Variants in ZNF487 observed in about 807,000 individuals in gnomAD.
ZNF487 encodes zinc finger protein 487.
In ZNF487, 4 loss-of-function variants were observed where a neutral mutation model predicts 3.0. The observed-to-expected ratio is 1.35, with a 90% CI of 0.66 to 3.08. The LOEUF (loss-of-function observed/expected upper bound fraction) is 3.08. ZNF487 is among the 30% of genes most tolerant of loss of function. The pLI is 0.01. For missense variants in ZNF487, 146 were observed against 98.7 expected, an observed-to-expected ratio of 1.48 and a Z score of -2.03; for synonymous variants, 55 against 34.6, an observed-to-expected ratio of 1.59 and a Z score of -2.06.
At chr10:43,479,341 T>G (rs1248862443) in intron 3 of ZNF487, among the ~76,000 whole-genome samples, 1 of 152,100 alleles carries the variant, frequency 6.6e-6, no homozygotes, top group Non-Finnish European at 1.5e-5. Flanking sequence ...ATTTATAATC[T>G]AAGAAGCATG....
intron 1 of ZNF487, among the ~76,000 whole-genome samples, chr10:43,444,104 C>G (rs1839718306): frequency 6.6e-6 from 1 of 152,036 alleles, no homozygotes; most frequent in Non-Finnish European, 1.5e-5. Flanking sequence ...CCGCCTGCCT[C>G]GGCCTCCCAA....
At chr10:43,455,612 C>G (rs975992397) in intron 1 of ZNF487, among the ~76,000 whole-genome samples, 1 of 152,164 alleles carries the variant, frequency 6.6e-6, no homozygotes, top group African/African-American at 2.4e-5. Flanking sequence ...GGGAAACGGC[C>G]CCTCTAGGTC....
chr10:43,462,944 A>C (rs991696197), intron 1 of ZNF487, among the ~76,000 whole-genome samples: 2 of 148,196 alleles, frequency 1.3e-5, no homozygotes, highest in Admixed American at 1.4e-4. Flanking sequence ...TAATTAAAAA[A>C]TTTTTTTTGG....
chr10:43,496,602 G>A, the ZNF487 span, among the ~76,000 whole-genome samples: 1 of 152,088 alleles, frequency 6.6e-6, no homozygotes, highest in African/African-American at 2.4e-5. Flanking sequence ...TCTGCTCTTT[G>A]CTATTTTAAA....
chr10:43,521,106 T>C, the ZNF487 span, among the ~76,000 whole-genome samples: 1 of 152,206 alleles, frequency 6.6e-6, no homozygotes, highest in Non-Finnish European at 1.5e-5. Context: ...TCATGATTCA[T>C]GGTATTCATG....
At position 43,452,160 on chromosome 10, in the gene ZNF487, C is replaced by G. The variant is rs145296650; in HGVS notation, c.-94+14898C>G. On this transcript the variant is annotated intron_variant, in intron 1 of 3. Coordinates refer to ENST00000437590, the MANE Select transcript of ZNF487 (RefSeq NM_001355444.3). The stretch of plus-strand genomic sequence containing the variant: ...TCTATGTAAATGTAGTTTTTATGAA[C>G]TAGAGAGTCTGACTCCATATTTTAT... The G allele has an allele frequency of 2.1e-3, 313 of 152,272 alleles. 1 individual carries two copies. The highest frequency in any genetic ancestry group is 7.3e-3 in the African/African-American group (302 of 41,548). 9.4% of individuals were successfully genotyped at this position (152,272 alleles called of 1,614,324 possible).
chr10:43,456,110 G>A (rs1285097732), intron 1 of ZNF487, among the ~76,000 whole-genome samples: 2 of 152,224 alleles, frequency 1.3e-5, no homozygotes, highest in Non-Finnish European at 2.9e-5. Flanking sequence ...AGGGCTGCGG[G>A]CCTCGTCTGA....
the ZNF487 span, among the ~76,000 whole-genome samples, chr10:43,494,763 T>TAAAAAA: frequency 1.4e-4 from 3 of 20,908 alleles, no homozygotes; most frequent in African/African-American, 2.1e-4. Context: ...CTACTAAAAA[T>TAAAAAA]ACAAAAAAAA....
chr10:43,472,521 G>T (rs1840940041), intron 1 of ZNF487, among the ~76,000 whole-genome samples: 1 of 152,126 alleles, frequency 6.6e-6, no homozygotes, highest in African/African-American at 2.4e-5. Context: ...TCTTGCTGCT[G>T]CTCAGACCTT....
intron 1 of ZNF487, among the ~76,000 whole-genome samples, chr10:43,441,908 A>G (rs78102585): frequency 0.034 from 5,157 of 152,200 alleles, 207 homozygotes; most frequent in African/African-American, 0.095. Context: ...TTACATATAA[A>G]TTTTAGAATA....
intron 1 of ZNF487, among the ~76,000 whole-genome samples, chr10:43,443,033 A>G (rs1318953211): frequency 1.4e-5 from 2 of 144,962 alleles, no homozygotes; most frequent in African/African-American, 5.0e-5. Flanking sequence ...CTTATGTTCT[A>G]TGACCTTTCT....
downstream of ZNF487, among the ~76,000 whole-genome samples, chr10:43,487,920 A>G (rs985687501): frequency 1.2e-4 from 15 of 125,006 alleles, no homozygotes; most frequent in Non-Finnish European, 2.1e-4. Flanking sequence ...CTCCGCCTCT[A>G]CCAAAATACA....
In ZNF487 at chr10:43,458,909, T is replaced by C. The variant is rs554953568; in HGVS notation, c.-93-16812T>C. 7.2e-5 allele frequency among the ~76,000 whole-genome samples: 11 copies of C among 152,192 alleles called. No individual in the cohort carries two copies. In the South Asian group the frequency reaches 2.3e-3, roughly 32 times the overall value. Reference sequence around the variant, plus strand: ...CCTTCAGATACACTCCTTAAATGTATGTGTAGATTGTACAACAGCAAGGTT... The same window carrying C: ...CCTTCAGATACACTCCTTAAATGTACGTGTAGATTGTACAACAGCAAGGTT... On this transcript the variant is annotated intron_variant, in intron 1 of 3. Coordinates refer to ENST00000437590, the MANE Select transcript of ZNF487 (RefSeq NM_001355444.3).
At chr10:43,490,574 A>G in the ZNF487 span, among the ~76,000 whole-genome samples, 1 of 133,698 alleles carries the variant, frequency 7.5e-6, no homozygotes, top group Middle Eastern at 4.7e-3. Context: ...CAATGGCACA[A>G]TCTTGGCTCA....
At chr10:43,438,213 T>A (rs1839454623) in intron 1 of ZNF487, among the ~76,000 whole-genome samples, 1 of 151,812 alleles carries the variant, frequency 6.6e-6, no homozygotes, top group Admixed American at 6.6e-5. Context: ...TGAGGTGGAG[T>A]CTCCCTCTGT....
intron 1 of ZNF487, among the ~76,000 whole-genome samples, chr10:43,449,498 A>T (rs1839932343): frequency 6.6e-6 from 1 of 152,296 alleles, no homozygotes; most frequent in East Asian, 1.9e-4. Flanking sequence ...TCAGTCTAAC[A>T]TTATGTAAGT....
chr10:43,488,779 A>G, the ZNF487 span, among the ~76,000 whole-genome samples: 1 of 152,152 alleles, frequency 6.6e-6, no homozygotes, highest in Non-Finnish European at 1.5e-5. Context: ...TGACTGACCA[A>G]GTAGGGTTTA....
chr10:43,488,696 A>C, the ZNF487 span, among the ~76,000 whole-genome samples: 1 of 152,296 alleles, frequency 6.6e-6, no homozygotes, highest in South Asian at 2.1e-4. Flanking sequence ...TCTCCATGAA[A>C]GTAGTAATTT....
chr10:43,518,084 T>G, the ZNF487 span, among the ~76,000 whole-genome samples: 1 of 152,126 alleles, frequency 6.6e-6, no homozygotes, highest in Non-Finnish European at 1.5e-5. Flanking sequence ...AGTTGCCCCC[T>G]TTGGGGTAAA....
Sources: allele counts gnomAD v4.1 joint callset (sites outside exome capture counted in the v4.1 genomes callset), GRCh38; gene constraint gnomAD v4.1.1; transcripts MANE v1.5; gene names NCBI Gene and HGNC (gene_info 2026-07-23, HGNC 2026-07-21).